MAP2K1: variants seen among roughly 807,000 people sequenced by gnomAD.
MAP2K1 encodes the protein dual specificity mitogen-activated protein kinase kinase 1.
Under a neutral mutation model 46.3 loss-of-function variants are expected in MAP2K1, and 16 were observed. The observed-to-expected ratio is 0.35, with a 90% CI of 0.23 to 0.52. The LOEUF is 0.52. Ranked by LOEUF, MAP2K1 falls within the 20% of genes least tolerant of loss-of-function variation. MAP2K1 has a pLI of 0.94. For missense variants in MAP2K1, 263 were observed against 497.1 expected (o/e 0.53, Z 4.48); for synonymous variants, 183 against 185.6 (o/e 0.99, Z 0.11).
chr15:66,489,396 T>C (rs747845539), intron 9 of MAP2K1, 120 bp downstream of exon 9: 30 of 958,254 alleles, frequency 3.1e-5, no homozygotes, highest in Non-Finnish European at 4.3e-5. Flanking sequence ...CCCTCCCGTC[T>C]GATGATTCTT....
chr15:66,487,926 C>T (rs983924731), intron 8 of MAP2K1, among the ~76,000 whole-genome samples: 7 of 152,192 alleles, frequency 4.6e-5, no homozygotes, highest in Non-Finnish European at 7.3e-5. Flanking sequence ...CAAATTTTCA[C>T]ATTAATTTCC....
At chr15:66,460,805 A>T (rs1348350515) in intron 5 of MAP2K1, among the ~76,000 whole-genome samples, 1 of 152,066 alleles carries the variant, frequency 6.6e-6, no homozygotes, top group Non-Finnish European at 1.5e-5. Flanking sequence ...GAGTGAAGGG[A>T]CAGGATGGGG....
At chr15:66,488,776 C>T (rs573445546) in intron 8 of MAP2K1, 8 of 213,238 alleles carry the variant, frequency 3.8e-5, no homozygotes, top group East Asian at 1.2e-4. Context: ...GTGGTTTGCA[C>T]GTGCCCCTAG....
intron 5 of MAP2K1, among the ~76,000 whole-genome samples, chr15:66,478,385 C>T (rs1291082666): frequency 9.5e-6 from 1 of 104,844 alleles, no homozygotes; most frequent in Non-Finnish European, 1.8e-5. Flanking sequence ...AATATATATA[C>T]ACAGATATGT....
chr15:66,408,411 A>G (rs1443348342), intron 1 of MAP2K1, among the ~76,000 whole-genome samples: 2 of 152,256 alleles, frequency 1.3e-5, no homozygotes, highest in Non-Finnish European at 1.5e-5. Flanking sequence ...ACTGCCACAC[A>G]GTACATCCCA....
chr15:66,444,482 G>C (rs1252383511), intron 4 of MAP2K1, among the ~76,000 whole-genome samples, 174 bp from the exon 5 acceptor site: 1 of 152,152 alleles, frequency 6.6e-6, no homozygotes, highest in Non-Finnish European at 1.5e-5. Flanking sequence ...GTGGTGAGCC[G>C]AGATCGCGCC....
intron 1 of MAP2K1, among the ~76,000 whole-genome samples, chr15:66,420,008 G>A (rs1330827725): frequency 6.6e-6 from 1 of 151,940 alleles, no homozygotes; most frequent in Non-Finnish European, 1.5e-5. Flanking sequence ...ACTTTGGGAG[G>A]TGAGGTGGGT....
chr15:66,461,183 C>A (rs1006934436), intron 5 of MAP2K1, among the ~76,000 whole-genome samples: 1 of 152,060 alleles, frequency 6.6e-6, no homozygotes, highest in South Asian at 2.1e-4. Context: ...CTCATGATGC[C>A]CAACACCATA....
chr15:66,437,760 G>A (rs1158044489), intron 3 of MAP2K1, among the ~76,000 whole-genome samples: 1 of 152,200 alleles, frequency 6.6e-6, no homozygotes, highest in Admixed American at 6.5e-5. Context: ...ACGAAGTGCT[G>A]CATCCACTGT....
In MAP2K1 at chr15:66,490,506, A is replaced by G; in HGVS notation, c.1073A>G (p.His358Arg). 1 of 1,611,350 alleles carries G rather than the reference A, an allele frequency of 6.2e-7. No homozygotes were observed. Among genetic ancestry groups the G allele is most frequent in the Non-Finnish European group, 8.5e-7 (1 of 1,177,468 alleles). Residue 358 changes from histidine (H) to arginine (R), a missense_variant, in exon 11 of 11, where the codon CAT (histidine) becomes CGT (arginine). Physicochemically the swap from His to Arg is conservative, Grantham distance 29. Transcript: ENST00000307102. ...CTCTCGTTTCCTTACATGCAGGTTC[A>G]TGCTTTTATCAAGAGATCTGATGCT... Reference protein sequence around the residue: ...ERADLKQLMVHAFIKRSDAEE... With the variant: ...ERADLKQLMVRAFIKRSDAEE...
intron 8 of MAP2K1, among the ~76,000 whole-genome samples, 165 bp downstream of exon 8, chr15:66,487,457 G>GGC (rs1053143704): frequency 2.0e-5 from 3 of 152,122 alleles, no homozygotes; most frequent in Non-Finnish European, 2.9e-5. Context: ...TGGCCAACAA[G>GGC]GCAAAACCCC....
intron 5 of MAP2K1, among the ~76,000 whole-genome samples, chr15:66,470,076 A>G (rs1892585655): frequency 8.2e-6 from 1 of 122,012 alleles, no homozygotes; most frequent in Admixed American, 8.8e-5. Flanking sequence ...TCCCTCCACC[A>G]TGCCACTTTT....
chr15:66,490,414 G>C lies in MAP2K1; in HGVS notation c.1069-88G>C, dbSNP rs780191607. 3 of 959,542 alleles carry C rather than the reference G, an allele frequency of 3.1e-6. No individual in the cohort carries two copies. In the African/African-American group the frequency reaches 4.8e-5, roughly 15 times the overall value. 59.4% of individuals were successfully genotyped at this position (959,542 alleles called of 1,614,324 possible). On this transcript the variant is annotated intron_variant, in intron 10 of 10. Coordinates refer to ENST00000307102, the MANE Select transcript of MAP2K1 (RefSeq NM_002755.4). The stretch of plus-strand genomic sequence containing the variant: ...CTTTCCAAGTGCAGCACAAGCTCTA[G>C]ACCTGAAACTCTTGGATTTTCCTTC...
intron 1 of MAP2K1, among the ~76,000 whole-genome samples, chr15:66,420,819 A>G (rs150688382): frequency 0.31 from 18,824 of 60,940 alleles, 5,622 homozygotes; most frequent in South Asian, 0.44. Context: ...ATATATGTGT[A>G]TATATATATG....
chr15:66,446,390 G>T (rs940870142), intron 5 of MAP2K1: 1 of 151,886 alleles, frequency 6.6e-6, no homozygotes. Context: ...AGCGAGCAGA[G>T]ACTGCGCACC....
At chr15:66,419,594 G>T in intron 1 of MAP2K1, among the ~76,000 whole-genome samples, 1 of 152,056 alleles carries the variant, frequency 6.6e-6, no homozygotes, top group Non-Finnish European at 1.5e-5. Context: ...ACCATAGGCT[G>T]TCACTTGTTT....
Position 66,392,252 on chromosome 15 carries a change from TG to T in MAP2K1, c.80+4828del, listed in dbSNP as rs869266602. ...ACCACGAATATTTGTGTGTTTTTTT[TG>T]GGTTTTTTTTTTTTTTTTTTTTTTT... On this transcript the variant is annotated intron_variant, in intron 1 of 10. Transcript: ENST00000307102. Among the ~76,000 whole-genome samples, 648 of 112,502 alleles carry T rather than the reference TG, an allele frequency of 5.8e-3. 231 individuals are homozygous for T. Among genetic ancestry groups the T allele is most frequent in the East Asian group, 6.6e-3 (23 of 3,486 alleles). 73.8% of individuals were successfully genotyped at this position (112,502 alleles called of 152,430 possible). A position where few individuals can be genotyped will look rare whatever the true frequency, so the allele number is the denominator to read the frequency against.
At chr15:66,472,368 C>T (rs939096370) in intron 5 of MAP2K1, among the ~76,000 whole-genome samples, 2 of 151,334 alleles carry the variant, frequency 1.3e-5, no homozygotes, top group Non-Finnish European at 2.9e-5. Context: ...TGTTGGCTTT[C>T]TTCTCTCGGG....
chr15:66,438,761 G>A (rs573787713), intron 3 of MAP2K1, among the ~76,000 whole-genome samples: 215 of 152,288 alleles, frequency 1.4e-3, no homozygotes, highest in African/African-American at 5.1e-3. Context: ...ATGTTTCAAG[G>A]GCCAAGCACA....
Sources: allele counts gnomAD v4.1 joint callset (sites outside exome capture counted in the v4.1 genomes callset), GRCh38; gene constraint gnomAD v4.1.1; transcripts MANE v1.5; gene names NCBI Gene and HGNC (gene_info 2026-07-23, HGNC 2026-07-21).